Variants in ATP8A1 observed in about 807,000 individuals in gnomAD.
ATP8A1 encodes phospholipid-transporting ATPase IA.
In ATP8A1, 90 loss-of-function variants were observed where a neutral mutation model predicts 177.7. The observed-to-expected ratio is 0.51, with a 90% CI of 0.43 to 0.60. The LOEUF (loss-of-function observed/expected upper bound fraction) is 0.60, where lower values mean the gene tolerates loss of function less well. ATP8A1 is among the 20% of genes least tolerant of loss of function. ATP8A1 has a pLI of 0.00. For synonymous variants in ATP8A1, 493 were observed against 485.9 expected, an observed-to-expected ratio of 1.01 and a Z score of -0.19; for missense variants, 1,072 against 1,392.8, an observed-to-expected ratio of 0.77 and a Z score of 3.67.
chr4:42,425,225 G>A (rs766461829), intron 33 of ATP8A1, among the ~76,000 whole-genome samples: 3 of 151,280 alleles, frequency 2.0e-5, no homozygotes, highest in Non-Finnish European at 2.9e-5. Context: ...AATTTGGTTG[G>A]GGGGGGGCAA....
At chr4:42,619,109 G>C (rs1198223235) in intron 4 of ATP8A1, among the ~76,000 whole-genome samples, 1 of 151,884 alleles carries the variant, frequency 6.6e-6, no homozygotes, top group African/African-American at 2.4e-5. Flanking sequence ...GAGTGCCGTA[G>C]TGGGATCTCG....
Position 42,574,675 on chromosome 4 carries a change from A to G in ATP8A1, c.1239T>C (p.Thr413=), listed in dbSNP as rs149132912. Residue 413 remains threonine (T), a synonymous_variant, in exon 14 of 37, where the codon ACT becomes ACC. Coordinates refer to ENST00000381668, the MANE Select transcript of ATP8A1 (RefSeq NM_006095.2). Reference sequence around the variant, plus strand: ...TAAACTGCATTACATTGCATGTCAGAGTACCAGTTTTGTCAGAAAATATGT... The same window carrying G: ...TAAACTGCATTACATTGCATGTCAGGGTACCAGTTTTGTCAGAAAATATGT... ...VKYIFSDKTG[T]LTCNVMQFKK... 10 of 1,606,584 alleles carry G rather than the reference A, an allele frequency of 6.2e-6. No homozygotes were observed. In the African/African-American group the frequency reaches 1.3e-4, roughly 22 times the overall value.
intron 15 of ATP8A1, chr4:42,561,642 T>C (rs560712355): frequency 1.3e-5 from 2 of 152,342 alleles, no homozygotes; most frequent in East Asian, 3.9e-4. Context: ...GTGAGACTTT[T>C]GTAGGGGGCT....
intron 1 of ATP8A1, among the ~76,000 whole-genome samples, chr4:42,640,147 T>C (rs933780979): frequency 1.3e-5 from 2 of 152,012 alleles, no homozygotes; most frequent in Non-Finnish European, 2.9e-5. Flanking sequence ...CCACTGTTTT[T>C]TAAAATGGGA....
intron 20 of ATP8A1, among the ~76,000 whole-genome samples, chr4:42,526,374 T>C (rs996879683): frequency 2.0e-5 from 3 of 152,252 alleles, no homozygotes; most frequent in South Asian, 2.1e-4. Context: ...CTTGATTGGA[T>C]TGAAGGATAC....
At chr4:42,636,156 A>ACACACACGCGCGTGCG (rs565139270) in intron 1 of ATP8A1, among the ~76,000 whole-genome samples, 32 of 90,898 alleles carry the variant, frequency 3.5e-4, no homozygotes, top group Non-Finnish European at 7.4e-4. Flanking sequence ...ACACACACAC[A>ACACACACGCGCGTGCG]CGCACACACA....
At chr4:42,511,396 A>G (rs909684516) in intron 22 of ATP8A1, among the ~76,000 whole-genome samples, 1 of 152,192 alleles carries the variant, frequency 6.6e-6, no homozygotes, top group Non-Finnish European at 1.5e-5. Context: ...GCAAGTGTTG[A>G]AATGCGATAA....
chr4:42,517,291 CAAAAA>C (rs34576268), intron 22 of ATP8A1, among the ~76,000 whole-genome samples: 1 of 102,430 alleles, frequency 9.8e-6, no homozygotes, highest in African/African-American at 3.5e-5. Context: ...GACTCCGTCT[CAAAAA>C]AAAAAAAAAA....
chr4:42,579,341 T>A (rs992044293), intron 11 of ATP8A1, among the ~76,000 whole-genome samples: 1 of 140,416 alleles, frequency 7.1e-6, no homozygotes, highest in Non-Finnish European at 1.5e-5. Flanking sequence ...AAATAAAATA[T>A]AAACAAAGTA....
At chr4:42,557,775 G>A (rs1730395070) in intron 15 of ATP8A1, among the ~76,000 whole-genome samples, 1 of 152,256 alleles carries the variant, frequency 6.6e-6, no homozygotes, top group African/African-American at 2.4e-5. Context: ...GGGCACCATG[G>A]CTTATGTCTG....
chr4:42,541,956 T>C (rs1560438341), intron 20 of ATP8A1, among the ~76,000 whole-genome samples: 1 of 152,180 alleles, frequency 6.6e-6, no homozygotes, highest in Non-Finnish European at 1.5e-5. Context: ...TAGATACATG[T>C]CACTACACAT....
chr4:42,555,131 ATCTATCTAATCTATCTATCTATCT>A (rs1483128602), intron 16 of ATP8A1, among the ~76,000 whole-genome samples: 8 of 76,724 alleles, frequency 1.0e-4, no homozygotes, highest in African/African-American at 1.8e-4. Flanking sequence ...CTATCTATCT[ATCTATCTAATCTATCTATCTATCT>A]ATCTATCTAT....
rs533985359 is a variant in ATP8A1 at position 42,644,577 on chromosome 4, C to T, written c.49+12248G>A. 3.3e-5 allele frequency among the ~76,000 whole-genome samples: 5 copies of T among 152,102 alleles called. No individual in the cohort carries two copies. The South Asian group carries it at 1.0e-3, about 32-fold the overall frequency. ...AGAACTATAAAATAAACAGCAATCA[C>T]GAATGCTGGACACAATGCACTTGAT... On this transcript the variant is annotated intron_variant, in intron 1 of 36. Coordinates refer to ENST00000381668, the MANE Select transcript of ATP8A1 (RefSeq NM_006095.2).
intron 25 of ATP8A1, among the ~76,000 whole-genome samples, chr4:42,479,668 C>T (rs1721451428): frequency 6.6e-6 from 1 of 152,178 alleles, no homozygotes; most frequent in Non-Finnish European, 1.5e-5. Flanking sequence ...AGCTACAGAG[C>T]ACTGCATTTA....
intron 30 of ATP8A1, among the ~76,000 whole-genome samples, chr4:42,448,576 T>C (rs796935006): frequency 4.0e-5 from 6 of 151,446 alleles, no homozygotes; most frequent in African/African-American, 1.5e-4. Context: ...TTTTGTATTT[T>C]TGGTAGAGAC....
At chr4:42,643,598 T>C (rs1034811734) in intron 1 of ATP8A1, among the ~76,000 whole-genome samples, 1 of 152,206 alleles carries the variant, frequency 6.6e-6, no homozygotes, top group Non-Finnish European at 1.5e-5. Context: ...TGATGCTTAG[T>C]AGTTGAAGCC....
intron 15 of ATP8A1, among the ~76,000 whole-genome samples, chr4:42,564,048 T>C (rs1382053005): frequency 7.2e-5 from 11 of 152,174 alleles, no homozygotes; most frequent in Non-Finnish European, 1.2e-4. Flanking sequence ...TGAGCCAACA[T>C]TGCACTACTG....
chr4:42,460,379 C>CTTTTTT (rs35296572), intron 27 of ATP8A1, among the ~76,000 whole-genome samples: 5 of 94,544 alleles, frequency 5.3e-5, no homozygotes, highest in South Asian at 8.9e-4. Flanking sequence ...ATGGATGGAT[C>CTTTTTT]TTTTTTTTTT....
rs181533810 is a variant in ATP8A1 at position 42,605,990 on chromosome 4, T to C, written c.410-5472A>G. On this transcript the variant is annotated intron_variant, in intron 5 of 36. Coordinates refer to ENST00000381668, the MANE Select transcript of ATP8A1 (RefSeq NM_006095.2). ...TCTCACAGTAAGGAGTACTAACTGATGAATCCTCGCACACCTTTCTCTAGA... is the reference window on the plus strand; with the variant it reads ...TCTCACAGTAAGGAGTACTAACTGACGAATCCTCGCACACCTTTCTCTAGA... 2.0e-4 allele frequency among the ~76,000 whole-genome samples: 31 copies of C among 152,346 alleles called. 1 individual carries two copies. In the East Asian group the frequency reaches 6.0e-3, roughly 29 times the overall value.
Sources: allele counts gnomAD v4.1 joint callset (sites outside exome capture counted in the v4.1 genomes callset), GRCh38; gene constraint gnomAD v4.1.1; transcripts MANE v1.5; gene names NCBI Gene and HGNC (gene_info 2026-07-23, HGNC 2026-07-21).